Variants in STK11 observed in about 807,000 individuals in gnomAD.
STK11 encodes the protein serine/threonine-protein kinase STK11.
STK11 carries 8 observed loss-of-function variants against 47.3 expected under a neutral mutation model. The observed-to-expected ratio is 0.17, with a 90% CI of 0.10 to 0.31. STK11 has a LOEUF of 0.31. Ranked by LOEUF, STK11 falls within the 10% of genes least tolerant of loss-of-function variation. The pLI is 1.00. For synonymous variants in STK11, 330 were observed against 255.8 expected, an observed-to-expected ratio of 1.29 and a Z score of -2.77; for missense variants, 475 against 605.0, an observed-to-expected ratio of 0.79 and a Z score of 2.25.
Position 1,220,399 on chromosome 19 carries a change from T to C in STK11, c.491T>C (p.Leu164Pro). ...HGYFCQLIDG[L>P]EYLHSQGIVH... ...TACTTCTGTCAGCTGATTGACGGCCTGGAGTACCTGCATAGCCAGGGCATT... is the reference window on the plus strand; with the variant it reads ...TACTTCTGTCAGCTGATTGACGGCCCGGAGTACCTGCATAGCCAGGGCATT... Residue 164 changes from leucine (L) to proline (P), a missense_variant, in exon 4 of 10, where the codon CTG (leucine) becomes CCG (proline). This residue lies in a region of STK11 where 130 missense variants were observed against 239.7 expected (regional missense o/e 0.54). Coordinates refer to ENST00000326873, the MANE Select transcript of STK11 (RefSeq NM_000455.5). 6.2e-7 allele frequency: 1 copy of C among 1,604,118 alleles called. No homozygotes were observed. Among genetic ancestry groups the C allele is most frequent in the South Asian group, 1.1e-5 (1 of 89,404 alleles).
At chr19:1,216,240 T>A (rs1158329005) in intron 1 of STK11, 1 of 166,924 alleles carries the variant, frequency 6.0e-6, no homozygotes, top group Non-Finnish European at 1.3e-5. Context: ...CCCATTCCCA[T>A]TGTGTCACTC....
At chr19:1,222,381 T>C (rs1180365678) in intron 7 of STK11, among the ~76,000 whole-genome samples, 2 of 152,040 alleles carry the variant, frequency 1.3e-5, no homozygotes, top group African/African-American at 2.4e-5. Flanking sequence ...CCCAGCTCCA[T>C]GACAGGGAAG....
rs35169539 is a variant in STK11 at position 1,212,990 on chromosome 19, C to CTTT, written c.291-5405_291-5403dup. ...CCATAGTACTGGGCCTAAAGTTCAC[C>CTTT]TTTTTTTTTTTTTTTTTTTTTTTTG... On this transcript the variant is annotated intron_variant, in intron 1 of 9. Coordinates refer to ENST00000326873, the MANE Select transcript of STK11 (RefSeq NM_000455.5). 2.4e-3 allele frequency among the ~76,000 whole-genome samples: 228 copies of CTTT among 94,778 alleles called. 2 individuals carry two copies. Among genetic ancestry groups the CTTT allele is most frequent in the Non-Finnish European group, 3.4e-3 (164 of 47,910 alleles). The allele number at this position is 94,778 out of a possible 152,430, so 62.2% of individuals were successfully genotyped here.
In STK11 at chr19:1,227,690, G is replaced by A; in HGVS notation, c.*114G>A. On this transcript the variant is annotated 3_prime_UTR_variant, in exon 10 of 10. Coordinates refer to ENST00000326873, the MANE Select transcript of STK11 (RefSeq NM_000455.5). ...GGAGAGGTGGCCGCCATGCTTCTGT[G>A]CCGACCACGCCCCAGGACCTCCGGA... 9.4e-7 allele frequency: 1 copy of A among 1,069,430 alleles called. No homozygotes were observed. 66.2% of individuals were successfully genotyped at this position (1,069,430 alleles called of 1,614,324 possible). A position where few individuals can be genotyped will look rare whatever the true frequency, so the allele number is the denominator to read the frequency against.
chr19:1,226,508 A>G lies in STK11; in HGVS notation c.1163A>G (p.Lys388Arg), dbSNP rs756877141. The change falls in exon 9 of 10, where the codon AAG becomes AGG. Residue 388 changes from lysine (K) to arginine (R), a missense_variant. Around this residue, in one of 5 missense-constraint regions of STK11, gnomAD observed 219 missense variants for 189.2 expected, o/e 1.16. Transcript: ENST00000326873. ...SHNGQRRGLP[K>R]AVCMNGTEAA... ...AATGGACAGCGCCGGGGCCTCCCCA[A>G]GGCCGTGTGTATGAACGGCACAGAG... 6.2e-6 allele frequency: 10 copies of G among 1,610,672 alleles called. No homozygotes were observed. Among genetic ancestry groups the G allele is most frequent in the African/African-American group, 4.0e-5 (3 of 74,894 alleles).
intron 1 of STK11, among the ~76,000 whole-genome samples, chr19:1,215,398 C>A (rs1166120388): frequency 6.6e-6 from 1 of 152,258 alleles, no homozygotes; most frequent in South Asian, 2.1e-4. Context: ...GGCAGCCCGA[C>A]AGGGCACCGG....
intron 9 of STK11, chr19:1,227,077 A>T: frequency 5.2e-6 from 1 of 192,738 alleles, no homozygotes; most frequent in Non-Finnish European, 1.1e-5. Flanking sequence ...CGCGGCCTCC[A>T]TGGCTCTGCC....
chr19:1,216,256 C>T (rs1237451482), intron 1 of STK11: 1 of 169,460 alleles, frequency 5.9e-6, no homozygotes, highest in Non-Finnish European at 1.3e-5. Flanking sequence ...CACTCTCCAT[C>T]CCCTCCACCA....
intron 3 of STK11, 96 bp downstream of exon 3, chr19:1,219,509 C>G: frequency 7.5e-7 from 1 of 1,327,980 alleles, no homozygotes; most frequent in Non-Finnish European, 1.0e-6. Context: ...TCCTGATATT[C>G]ATTGACATGA....
intron 3 of STK11, chr19:1,220,072 A>C: frequency 2.7e-6 from 1 of 369,610 alleles, no homozygotes; most frequent in East Asian, 4.9e-5. Context: ...CCACAGGGGC[A>C]GGGAGGGGCC....
chr19:1,207,436 C>T (rs1052140079), intron 1 of STK11, among the ~76,000 whole-genome samples: 5 of 152,188 alleles, frequency 3.3e-5, no homozygotes, highest in African/African-American at 9.7e-5. Flanking sequence ...TGCATGGGCT[C>T]TTGGACTCCA....
At chr19:1,220,188 T>G (rs979551977) in intron 3 of STK11, 185 bp from the exon 4 acceptor site, 1 of 690,370 alleles carries the variant, frequency 1.4e-6, no homozygotes, top group South Asian at 2.4e-5. Context: ...CGGACGAGGG[T>G]GGCCACTGCA....
intron 6 of STK11, 36 bp from the exon 7 acceptor site, chr19:1,221,913 G>A (rs2080786970): frequency 3.2e-6 from 5 of 1,549,584 alleles, no homozygotes; most frequent in African/African-American, 2.7e-5. Flanking sequence ...TCAGGCCTGT[G>A]CCCAGCTGAC....
chr19:1,216,083 A>G (rs2080743014), intron 1 of STK11, among the ~76,000 whole-genome samples: 1 of 152,132 alleles, frequency 6.6e-6, no homozygotes, highest in Admixed American at 6.5e-5. Flanking sequence ...AAGAATTAAA[A>G]AAGAAAAAAA....
chr19:1,216,913 T>C (rs1478842975), intron 1 of STK11, among the ~76,000 whole-genome samples: 2 of 151,998 alleles, frequency 1.3e-5, no homozygotes, highest in Non-Finnish European at 1.5e-5. Flanking sequence ...GCAGCTAGGC[T>C]GTGGCTCGAG....
At chr19:1,221,510 T>G (rs1470478225) in intron 6 of STK11, 170 bp downstream of exon 6, 7 of 1,046,538 alleles carry the variant, frequency 6.7e-6, no homozygotes, top group Non-Finnish European at 9.4e-6. Context: ...GCCAGGTCCC[T>G]CAGCTCCACC....
chr19:1,222,130 G>T, intron 7 of STK11, 124 bp downstream of exon 7: 1 of 1,169,464 alleles, frequency 8.6e-7, no homozygotes, highest in African/African-American at 1.5e-5. Context: ...GCCAGACCCC[G>T]TGCAGCGCCC....
rs2080820533 is a variant in STK11 at position 1,226,343 on chromosome 19, A to G, written c.1109-111A>G. The G allele has an allele frequency of 2.0e-6, 3 of 1,510,862 alleles. No individual in the cohort carries two copies. In the African/African-American group the frequency reaches 4.2e-5, roughly 21 times the overall value. 93.6% of individuals were successfully genotyped at this position (1,510,862 alleles called of 1,614,324 possible). On this transcript the variant is annotated intron_variant, in intron 8 of 9. Coordinates refer to ENST00000326873, the MANE Select transcript of STK11 (RefSeq NM_000455.5). ...ACCTGGGCCTGACCCGGGGGCGGGC[A>G]TGGCCTGGGCAGCAGCTGTAAGTGC...
chr19:1,217,636 T>C (rs900095199), intron 1 of STK11, among the ~76,000 whole-genome samples: 1 of 152,114 alleles, frequency 6.6e-6, no homozygotes, highest in Non-Finnish European at 1.5e-5. Flanking sequence ...CAATGTCTCT[T>C]TCTGTGGCGT....
Sources: gnomAD v4.1 joint callset for allele counts (sites outside exome capture counted in the v4.1 genomes callset) on GRCh38, gnomAD v4.1.1 for gene constraint, gnomAD v4.1.1 regional missense constraint, MANE v1.5 for transcripts, NCBI Gene and HGNC (gene_info 2026-07-23, HGNC 2026-07-21) for gene names.